Variants in SGCZ observed in about 807,000 individuals in gnomAD.
SGCZ encodes the protein zeta-sarcoglycan.
SGCZ carries 40 observed loss-of-function variants against 41.3 expected under a neutral mutation model. The ratio of observed to expected loss-of-function variants is 0.97; its 90% CI spans 0.75 to 1.26. SGCZ has a LOEUF of 1.26. SGCZ is among the 50% of genes most tolerant of loss of function. SGCZ has a pLI of 0.00. For missense variants in SGCZ, 552 were observed against 369.8 expected, an observed-to-expected ratio of 1.49 and a Z score of -4.04; for synonymous variants, 206 against 137.5, an observed-to-expected ratio of 1.50 and a Z score of -3.49.
intron 4 of SGCZ, among the ~76,000 whole-genome samples, chr8:14,201,354 C>CA (rs1350467961): frequency 6.6e-6 from 1 of 151,938 alleles, no homozygotes; most frequent in African/African-American, 2.4e-5. Context: ...CAAGAATCAC[C>CA]AAAAAAGACT....
intron 2 of SGCZ, among the ~76,000 whole-genome samples, chr8:14,327,812 C>T (rs532010673): frequency 5.3e-5 from 8 of 152,286 alleles, no homozygotes; most frequent in South Asian, 2.1e-4. Context: ...GATGGAGTCT[C>T]GCTCTTTCGC....
At chr8:14,319,498 C>T (rs1310606567) in intron 3 of SGCZ, 1 of 151,998 alleles carries the variant, frequency 6.6e-6, no homozygotes, top group Non-Finnish European at 1.5e-5. Context: ...AATTTTCTGG[C>T]TTTTCCAGGA....
At chr8:14,757,057 CT>C (rs985104215) in intron 1 of SGCZ, among the ~76,000 whole-genome samples, 2 of 151,322 alleles carry the variant, frequency 1.3e-5, no homozygotes, top group Admixed American at 6.6e-5. Context: ...TCAACTTTTT[CT>C]TTTTTTTTGA....
intron 5 of SGCZ, among the ~76,000 whole-genome samples, chr8:14,115,397 C>T (rs1189911012): frequency 6.6e-6 from 1 of 151,816 alleles, no homozygotes; most frequent in South Asian, 2.1e-4. Flanking sequence ...ATGCATTAAC[C>T]TATTTGATAG....
rs1474695556 is a variant in SGCZ at position 14,186,647 on chromosome 8, T to C, written c.425-21945A>G. Among the ~76,000 whole-genome samples, 5 of 152,316 alleles carry C rather than the reference T, an allele frequency of 3.3e-5. No individual in the cohort carries two copies. In the East Asian group the frequency reaches 9.7e-4, roughly 29 times the overall value. On this transcript the variant is annotated intron_variant, in intron 4 of 7. Transcript: ENST00000382080. ...TCTGCTTTCGGATACACAGCTATAG[T>C]GCAGACATTTTGCGCAAGGAGAGAG...
chr8:14,325,581 C>CAT (rs940594825), intron 2 of SGCZ, among the ~76,000 whole-genome samples: 3 of 142,528 alleles, frequency 2.1e-5, no homozygotes, highest in Non-Finnish European at 4.6e-5. Context: ...TATAATAGAT[C>CAT]ATATATAATC....
At chr8:15,014,222 C>T (rs960135285) in intron 1 of SGCZ, among the ~76,000 whole-genome samples, 25 of 152,230 alleles carry the variant, frequency 1.6e-4, no homozygotes, top group African/African-American at 4.3e-4. Flanking sequence ...GCTGGAATGA[C>T]GCTGTCAAAA....
intron 2 of SGCZ, among the ~76,000 whole-genome samples, chr8:14,332,040 A>T (rs57193041): frequency 0.33 from 49,707 of 151,894 alleles, 10,074 homozygotes; most frequent in South Asian, 0.53. Flanking sequence ...TATTCTAAGT[A>T]TTACCCAAAT....
rs113579678 is a variant in SGCZ at position 15,109,044 on chromosome 8, C to T, written c.39+128541G>A. The stretch of plus-strand genomic sequence containing the variant: ...TCTTACAGTAATTTTTAACAAGAAC[C>T]TGGTTAAAATTATTCATAATTGGAA... On this transcript the variant is annotated intron_variant, in intron 1 of 7. Transcript: ENST00000382080. Among the ~76,000 whole-genome samples, 100 of 152,078 alleles carry T rather than the reference C, an allele frequency of 6.6e-4. 1 individual carries two copies. The highest frequency in any genetic ancestry group is 2.4e-3 in the African/African-American group (98 of 41,500).
At chr8:14,499,425 A>T (rs1049524329) in intron 2 of SGCZ, among the ~76,000 whole-genome samples, 3 of 151,800 alleles carry the variant, frequency 2.0e-5, no homozygotes, top group Non-Finnish European at 4.4e-5. Flanking sequence ...TTTGGTTTTC[A>T]ATTCTCTGTA....
At chr8:14,767,646 C>G (rs954128357) in intron 1 of SGCZ, among the ~76,000 whole-genome samples, 1 of 152,086 alleles carries the variant, frequency 6.6e-6, no homozygotes, top group East Asian at 1.9e-4. Flanking sequence ...AAATTTTATT[C>G]GGAATCTTAA....
intron 2 of SGCZ, among the ~76,000 whole-genome samples, chr8:14,444,784 C>A (rs1227660839): frequency 6.6e-6 from 1 of 151,946 alleles, no homozygotes; most frequent in Non-Finnish European, 1.5e-5. Flanking sequence ...GCATATTGGG[C>A]ACATGTACCC....
intron 1 of SGCZ, among the ~76,000 whole-genome samples, chr8:15,087,647 T>C (rs1805999761): frequency 6.6e-6 from 1 of 152,188 alleles, no homozygotes; most frequent in Non-Finnish European, 1.5e-5. Flanking sequence ...AGTGTTTATT[T>C]AATAAGATTG....
At chr8:15,210,675 T>A (rs889493604) in intron 1 of SGCZ, among the ~76,000 whole-genome samples, 3 of 152,062 alleles carry the variant, frequency 2.0e-5, no homozygotes, top group Non-Finnish European at 2.9e-5. Flanking sequence ...CAATACTCCC[T>A]CATGATCTTG....
At chr8:14,533,814 A>C (rs1325170287) in intron 2 of SGCZ, among the ~76,000 whole-genome samples, 2 of 152,080 alleles carry the variant, frequency 1.3e-5, no homozygotes, top group East Asian at 3.9e-4. Flanking sequence ...GAGTGATCAG[A>C]AAAGTTTTGG....
In SGCZ at chr8:14,645,584, T is replaced by C. The variant is rs1361896739; in HGVS notation, c.40-90658A>G. Reference sequence around the variant, plus strand: ...AGACAAAAATAAATTCCTGGTATCCTCGAAGCTTGGATAAACAGCATCAGA... The same window carrying C: ...AGACAAAAATAAATTCCTGGTATCCCCGAAGCTTGGATAAACAGCATCAGA... On this transcript the variant is annotated intron_variant, in intron 1 of 7. Transcript: ENST00000382080. Among the ~76,000 whole-genome samples, 3 of 150,024 alleles carry C rather than the reference T, an allele frequency of 2.0e-5. No individual in the cohort carries two copies. In the Admixed American group the frequency reaches 2.0e-4, roughly 10 times the overall value.
chr8:15,013,399 T>C (rs1233474377), intron 1 of SGCZ, among the ~76,000 whole-genome samples: 1 of 152,114 alleles, frequency 6.6e-6, no homozygotes, highest in Non-Finnish European at 1.5e-5. Flanking sequence ...TGAAGTGGGG[T>C]GCATTTAATC....
chr8:14,999,117 C>A (rs1802318672), intron 1 of SGCZ, among the ~76,000 whole-genome samples: 1 of 152,104 alleles, frequency 6.6e-6, no homozygotes, highest in Non-Finnish European at 1.5e-5. Flanking sequence ...CTGATTATTT[C>A]CTGTTACAGA....
At chr8:14,140,386 G>C (rs1803332580) in intron 5 of SGCZ, among the ~76,000 whole-genome samples, 1 of 152,112 alleles carries the variant, frequency 6.6e-6, no homozygotes, top group African/African-American at 2.4e-5. Context: ...AACTGTCCCT[G>C]TTTGCAGATG....
Sources: gnomAD v4.1 joint callset for allele counts (sites outside exome capture counted in the v4.1 genomes callset) on GRCh38, gnomAD v4.1.1 for gene constraint, MANE v1.5 for transcripts, NCBI Gene and HGNC (gene_info 2026-07-23, HGNC 2026-07-21) for gene names.